The following RIMS1 variants were observed in gnomAD, a reference collection of about 807,000 sequenced individuals.
RIMS1 encodes regulating synaptic membrane exocytosis 1, also known as regulating synaptic membrane exocytosis protein 1.
A neutral mutation model predicts 214.1 loss-of-function variants in RIMS1; 83 were observed. That is an observed-to-expected ratio of 0.39 (90% confidence interval 0.32 to 0.47). The LOEUF (loss-of-function observed/expected upper bound fraction) is 0.47. Ranked by LOEUF, RIMS1 falls within the 20% of genes least tolerant of loss-of-function variation. The pLI, the probability that RIMS1 is intolerant of heterozygous loss-of-function variation, is 0.99. For missense variants in RIMS1, 2,050 were observed against 2,161.8 expected (o/e 0.95, Z 1.03); for synonymous variants, 793 against 786.8 (o/e 1.01, Z -0.13).
Position 72,316,449 on chromosome 6 carries a change from A to T in RIMS1, c.4130+2777A>T, listed in dbSNP as rs552367622. On this transcript the variant is annotated intron_variant, in intron 28 of 33. Transcript: ENST00000521978. ...AGCTGGCCACAACCACGCGTGGGGTAGTCCAATAAATACCGTGGATGCTCA... is the reference window on the plus strand; with the variant it reads ...AGCTGGCCACAACCACGCGTGGGGTTGTCCAATAAATACCGTGGATGCTCA... 1.6e-5 allele frequency: 5 copies of T among 317,182 alleles called. No homozygotes were observed. In the East Asian group the frequency reaches 3.8e-4, roughly 24 times the overall value. The allele number at this position is 317,182 out of a possible 1,614,324, so 19.6% of individuals were successfully genotyped here.
chr6:72,224,382 AG>A (rs2154057135), intron 6 of RIMS1, among the ~76,000 whole-genome samples: 1 of 152,344 alleles, frequency 6.6e-6, no homozygotes, highest in Admixed American at 6.5e-5. Flanking sequence ...GTGTACTTGC[AG>A]GTAGTTCCAT....
intron 4 of RIMS1, among the ~76,000 whole-genome samples, chr6:72,176,310 A>AATG (rs2047698664): frequency 6.6e-6 from 1 of 152,218 alleles, no homozygotes; most frequent in Non-Finnish European, 1.5e-5. Context: ...ATCTGTTAAA[A>AATG]ATGACTCCCT....
chr6:72,040,725 A>T (rs1450016740), intron 2 of RIMS1, among the ~76,000 whole-genome samples: 1 of 151,936 alleles, frequency 6.6e-6, no homozygotes, highest in Non-Finnish European at 1.5e-5. Flanking sequence ...GAAAAGCTAA[A>T]ATAAATCTAA....
intron 2 of RIMS1, among the ~76,000 whole-genome samples, chr6:72,015,101 G>C (rs922392993): frequency 6.6e-6 from 1 of 151,998 alleles, no homozygotes; most frequent in Non-Finnish European, 1.5e-5. Context: ...CTTGGGGATG[G>C]GATGAAAGTC....
At chr6:72,218,300 A>T (rs983273896) in intron 6 of RIMS1, among the ~76,000 whole-genome samples, 1 of 152,106 alleles carries the variant, frequency 6.6e-6, no homozygotes, top group Non-Finnish European at 1.5e-5. Flanking sequence ...TCGGCCAGGG[A>T]CAAGGGCTGT....
At chr6:72,087,050 C>G (rs1478997716) in intron 2 of RIMS1, among the ~76,000 whole-genome samples, 1 of 152,212 alleles carries the variant, frequency 6.6e-6, no homozygotes, top group Non-Finnish European at 1.5e-5. Flanking sequence ...TACCTTGTAT[C>G]TCAGTCCAAG....
At chr6:71,958,449 G>C (rs1791950619) in intron 1 of RIMS1, among the ~76,000 whole-genome samples, 1 of 152,092 alleles carries the variant, frequency 6.6e-6, no homozygotes, top group East Asian at 1.9e-4. Flanking sequence ...ATAAATGAGA[G>C]TACTCAGTCT....
intron 1 of RIMS1, among the ~76,000 whole-genome samples, chr6:71,933,850 C>T (rs1783805416): frequency 6.6e-6 from 1 of 152,088 alleles, no homozygotes; most frequent in African/African-American, 2.4e-5. Context: ...GAAATAATTT[C>T]AAATCTTAGG....
At chr6:72,373,083 C>T (rs1016131956) in intron 29 of RIMS1, among the ~76,000 whole-genome samples, 1 of 152,196 alleles carries the variant, frequency 6.6e-6, no homozygotes, top group Non-Finnish European at 1.5e-5. Flanking sequence ...TAACCACAGG[C>T]TAAGGGTTTA....
intron 6 of RIMS1, among the ~76,000 whole-genome samples, chr6:72,213,465 T>A (rs2054301983): frequency 6.6e-6 from 1 of 152,178 alleles, no homozygotes; most frequent in African/African-American, 2.4e-5. Context: ...TAATTATGTT[T>A]ATGATTGATT....
intron 28 of RIMS1, among the ~76,000 whole-genome samples, chr6:72,329,300 G>T (rs1250472894): frequency 6.6e-6 from 1 of 151,790 alleles, no homozygotes; most frequent in African/African-American, 2.4e-5. Context: ...AATAGCAAAT[G>T]TTGGAGCTTT....
intron 10 of RIMS1, 89 bp downstream of exon 10, chr6:72,242,526 A>C: frequency 1.1e-6 from 1 of 886,470 alleles, no homozygotes; most frequent in Non-Finnish European, 1.7e-6. Context: ...CATACAGTAC[A>C]TGTTAACATG....
chr6:72,308,346 C>T (rs974869797), intron 27 of RIMS1, among the ~76,000 whole-genome samples: 3 of 151,878 alleles, frequency 2.0e-5, no homozygotes, highest in African/African-American at 7.3e-5. Context: ...TATTTAAAAG[C>T]TTTTTTTCTT....
chr6:72,071,493 T>C (rs1586267774), intron 2 of RIMS1, among the ~76,000 whole-genome samples: 1 of 152,156 alleles, frequency 6.6e-6, no homozygotes, highest in African/African-American at 2.4e-5. Context: ...TATGGAGTTA[T>C]GGGTTAGATC....
At chr6:72,002,592 G>C (rs1021550943) in intron 2 of RIMS1, among the ~76,000 whole-genome samples, 1 of 152,160 alleles carries the variant, frequency 6.6e-6, no homozygotes, top group East Asian at 1.9e-4. Context: ...AGCCTGAGGA[G>C]GTGGCAGTGA....
intron 1 of RIMS1, among the ~76,000 whole-genome samples, chr6:71,943,778 T>C (rs1303322067): frequency 6.6e-6 from 1 of 152,206 alleles, no homozygotes; most frequent in African/African-American, 2.4e-5. Flanking sequence ...GCGTATCAGC[T>C]TTCCGATGGC....
chr6:72,386,045 T>C (rs990051118), intron 29 of RIMS1, among the ~76,000 whole-genome samples: 1 of 152,144 alleles, frequency 6.6e-6, no homozygotes, highest in Non-Finnish European at 1.5e-5. Flanking sequence ...CAAGTAAATA[T>C]AAAAGAAAAT....
chr6:72,264,020 T>G, intron 19 of RIMS1: 2 of 741,586 alleles, frequency 2.7e-6, no homozygotes, highest in Non-Finnish European at 3.3e-6. Context: ...GAAAATGGCA[T>G]TTTAGTTCAT....
At chr6:72,308,522 T>A (rs1226391010) in intron 27 of RIMS1, among the ~76,000 whole-genome samples, 1 of 152,252 alleles carries the variant, frequency 6.6e-6, no homozygotes, top group African/African-American at 2.4e-5. Context: ...AAAACCTACT[T>A]ATTTTTAAGC....
Sources: gnomAD v4.1 joint callset for allele counts (sites outside exome capture counted in the v4.1 genomes callset) on GRCh38, gnomAD v4.1.1 for gene constraint, MANE v1.5 for transcripts, NCBI Gene and HGNC (gene_info 2026-07-23, HGNC 2026-07-21) for gene names.